The following ACTN1 variants were observed in gnomAD, a reference collection of about 807,000 sequenced individuals.
The protein encoded by ACTN1 is actinin alpha 1, also known as alpha-actinin-1.
Under a neutral mutation model 119.6 loss-of-function variants are expected in ACTN1, and 30 were observed. The ratio of observed to expected loss-of-function variants is 0.25; its 90% CI spans 0.19 to 0.34. The LOEUF (loss-of-function observed/expected upper bound fraction) is 0.34. Among genes scored for constraint, ACTN1 ranks in the 10% least tolerant of loss-of-function variants. The pLI is 1.00. For synonymous variants in ACTN1, 429 were observed against 472.6 expected (o/e 0.91, Z 1.20); for missense variants, 764 against 1,223.4 (o/e 0.62, Z 5.60).
chr14:68,974,863 G>A (rs542027745), intron 1 of ACTN1, among the ~76,000 whole-genome samples: 33 of 152,286 alleles, frequency 2.2e-4, no homozygotes, highest in South Asian at 2.1e-3. Flanking sequence ...CTAGAGACCC[G>A]ACATAGCACA....
At position 68,890,167 on chromosome 14, in the gene ACTN1, C is replaced by T. The variant is rs757425056; in HGVS notation, c.1206G>A (p.Lys402=). The T allele has an allele frequency of 9.3e-6, 15 of 1,613,984 alleles. No homozygotes were observed. In the Admixed American group the frequency reaches 2.0e-4, roughly 22 times the overall value. The change falls in exon 11 of 22, where the codon AAG becomes AAA. Residue 402 remains lysine (K), a synonymous_variant. Transcript: ENST00000394419. ...LDHLAEKFRQ[K]ASIHEAWTDG... is the part of the protein sequence containing the mutation. ...CAGTCCAGGCCTCGTGGATGGAGGC[C>T]TTCTGCCGGAACTTCTCTGCCAGGT... is the stretch of plus-strand genomic sequence containing the variant.
chr14:68,878,650 C>A lies in ACTN1; in HGVS notation c.2362-127G>T. 6.4e-7 allele frequency: 1 copy of A among 1,551,158 alleles called. No homozygotes were observed. Among genetic ancestry groups the A allele is most frequent in the South Asian group, 1.2e-5 (1 of 84,724 alleles). ...GGATGAGATTTATGGTTTTGGGGGT[C>A]AGGATAGGTAAAGGAACATAGGAGA... is the stretch of plus-strand genomic sequence containing the variant. On this transcript the variant is annotated intron_variant, in intron 19 of 21. Coordinates refer to ENST00000394419, the MANE Select transcript of ACTN1 (RefSeq NM_001130004.2). The surrounding 1 kb of genome is among the most constrained non-coding windows in gnomAD (Gnocchi z 4.4).
At chr14:68,962,847 C>T (rs1474864484) in intron 1 of ACTN1, among the ~76,000 whole-genome samples, 1 of 152,018 alleles carries the variant, frequency 6.6e-6, no homozygotes, top group African/African-American at 2.4e-5. Context: ...TTATATTGGT[C>T]TATAATCCTC....
chr14:68,900,375 G>T (rs772480468), intron 8 of ACTN1, among the ~76,000 whole-genome samples: 1 of 152,038 alleles, frequency 6.6e-6, no homozygotes. Context: ...TGGCAGCCTG[G>T]TTGAGAAGCA....
intron 10 of ACTN1, among the ~76,000 whole-genome samples, chr14:68,891,130 C>A (rs2032443432): frequency 6.6e-6 from 1 of 152,206 alleles, no homozygotes; most frequent in Non-Finnish European, 1.5e-5. Flanking sequence ...CTGCCGTCTC[C>A]CCACGATGCT....
chr14:68,936,500 CTTT>C (rs66604725), intron 1 of ACTN1: 171 of 249,478 alleles, frequency 6.9e-4, no homozygotes, highest in Middle Eastern at 2.5e-3. Flanking sequence ...CTGTCATTAC[CTTT>C]TTTTTTTTTT....
chr14:68,972,681 A>G (rs1197458946), intron 1 of ACTN1, among the ~76,000 whole-genome samples: 1 of 152,200 alleles, frequency 6.6e-6, no homozygotes, highest in Non-Finnish European at 1.5e-5. Flanking sequence ...CATTTGTTGT[A>G]TAAGCGGCAG....
intron 6 of ACTN1, among the ~76,000 whole-genome samples, chr14:68,905,982 CA>C (rs755762604): frequency 3.6e-3 from 344 of 96,074 alleles, no homozygotes; most frequent in Middle Eastern, 0.01. Context: ...GACCTCGTCT[CA>C]AAAAAAAAAA....
chr14:68,919,406 C>T (rs114996664), intron 3 of ACTN1, among the ~76,000 whole-genome samples: 226 of 152,350 alleles, frequency 1.5e-3, no homozygotes, highest in African/African-American at 5.1e-3. Flanking sequence ...TGGCTTCCCA[C>T]GCCTGCTTAG....
At chr14:68,890,094 G>A (rs2032357652) in intron 11 of ACTN1, 45 bp downstream of exon 11, 1 of 1,601,658 alleles carries the variant, frequency 6.2e-7, no homozygotes, top group African/African-American at 1.3e-5. Flanking sequence ...TGAAGAGTAG[G>A]GAAGTGAAGC....
intron 1 of ACTN1, among the ~76,000 whole-genome samples, chr14:68,964,084 A>G (rs1333880937): frequency 6.6e-6 from 1 of 152,178 alleles, no homozygotes; most frequent in Non-Finnish European, 1.5e-5. Flanking sequence ...TGTAACATAA[A>G]GGTTATGCTG....
chr14:68,917,037 C>T (rs1195239119), intron 3 of ACTN1, among the ~76,000 whole-genome samples: 1 of 152,168 alleles, frequency 6.6e-6, no homozygotes, highest in Non-Finnish European at 1.5e-5. Flanking sequence ...ATGCTCACAG[C>T]ACCCAAACCC....
At chr14:68,936,806 C>T (rs1467052268) in intron 1 of ACTN1, 12 of 605,818 alleles carry the variant, frequency 2.0e-5, no homozygotes, top group Admixed American at 3.8e-5. Context: ...GTGGTGCCAA[C>T]GCCAAGCAAT....
chr14:68,917,086 C>A (rs1458668900), intron 3 of ACTN1, among the ~76,000 whole-genome samples: 4 of 152,188 alleles, frequency 2.6e-5, no homozygotes, highest in African/African-American at 9.7e-5. Flanking sequence ...AATACAAAAT[C>A]CTTTTTGAGT....
chr14:68,939,543 C>A (rs1254814435), intron 1 of ACTN1, among the ~76,000 whole-genome samples: 6 of 152,314 alleles, frequency 3.9e-5, no homozygotes, highest in Non-Finnish European at 7.3e-5. Context: ...CTACCAGACG[C>A]AGACCAAGCA....
Position 68,882,691 on chromosome 14 carries a change from G to A in ACTN1, c.1819-99C>T. The stretch of plus-strand genomic sequence containing the variant: ...GACCCAGAAGGGGAAGGGCCGGTCA[G>A]TAACAGAACAGGAGTAAAGGTGTCA... On this transcript the variant is annotated intron_variant, in intron 15 of 21. Transcript: ENST00000394419. This position sits in a 1 kb window ranked among gnomAD's most constrained non-coding sequence, Gnocchi z 4.5. The A allele has an allele frequency of 6.4e-7, 1 of 1,562,606 alleles. No homozygotes were observed. Among genetic ancestry groups the A allele is most frequent in the Admixed American group, 1.7e-5 (1 of 58,038 alleles).
intron 1 of ACTN1, among the ~76,000 whole-genome samples, chr14:68,954,046 T>C (rs994030620): frequency 1.3e-5 from 2 of 152,240 alleles, no homozygotes; most frequent in South Asian, 4.1e-4. Context: ...TTTTTACATA[T>C]TATCTTCCTT....
At chr14:68,903,233 C>T (rs925056005) in intron 7 of ACTN1, among the ~76,000 whole-genome samples, 2 of 152,154 alleles carry the variant, frequency 1.3e-5, no homozygotes, top group Non-Finnish European at 2.9e-5. Context: ...CTGCTTTTGC[C>T]TGGGTTTTTA....
At chr14:68,903,050 ACT>A (rs1178436556) in intron 7 of ACTN1, among the ~76,000 whole-genome samples, 17 of 152,146 alleles carry the variant, frequency 1.1e-4, no homozygotes, top group South Asian at 4.1e-4. Context: ...TAAGAAAATA[ACT>A]CTATTTTTAA....
Sources: gnomAD v4.1 joint callset for allele counts (sites outside exome capture counted in the v4.1 genomes callset) on GRCh38, gnomAD v4.1.1 for gene constraint, Gnocchi (gnomAD v3.1) non-coding constraint, MANE v1.5 for transcripts, NCBI Gene and HGNC (gene_info 2026-07-23, HGNC 2026-07-21) for gene names.